The following PDE1C variants were observed in gnomAD, a reference collection of about 807,000 sequenced individuals.
PDE1C encodes the protein phosphodiesterase 1C, also known as dual specificity calcium/calmodulin-dependent 3',5'-cyclic nucleotide phosphodiesterase 1C.
A neutral mutation model predicts 93.1 loss-of-function variants in PDE1C; 62 were observed. That is an observed-to-expected ratio of 0.67 (90% CI 0.54 to 0.82). The LOEUF (loss-of-function observed/expected upper bound fraction) is 0.82, where lower values mean the gene tolerates loss of function less well. PDE1C is among the 40% of genes least tolerant of loss of function. The pLI is 0.00. For missense variants in PDE1C, 742 were observed against 884.6 expected, an observed-to-expected ratio of 0.84 and a Z score of 2.04; for synonymous variants, 325 against 310.1, an observed-to-expected ratio of 1.05 and a Z score of -0.50.
chr7:32,147,296 G>GAAAGAAAGAAAGAAAGAAA (rs1563352705), intron 3 of PDE1C, among the ~76,000 whole-genome samples: 18 of 137,402 alleles, frequency 1.3e-4, no homozygotes, highest in African/African-American at 4.0e-4. Flanking sequence ...AAGAAAGAAA[G>GAAAGAAAGAAAGAAAGAAA]AAAGAAAGAA....
At chr7:32,333,903 C>T (rs897349604) in intron 1 of PDE1C, among the ~76,000 whole-genome samples, 1 of 152,156 alleles carries the variant, frequency 6.6e-6, no homozygotes, top group African/African-American at 2.4e-5. Flanking sequence ...GCCTTTTGAA[C>T]TTGTTTCATA....
At chr7:32,023,923 T>C (rs191822012) in intron 2 of PDE1C, among the ~76,000 whole-genome samples, 1 of 152,248 alleles carries the variant, frequency 6.6e-6, no homozygotes, top group Non-Finnish European at 1.5e-5. Flanking sequence ...AAAAGCTCTA[T>C]GGATAATATC....
intron 16 of PDE1C, among the ~76,000 whole-genome samples, chr7:31,795,565 T>G (rs1045798691): frequency 6.6e-6 from 1 of 151,886 alleles, no homozygotes. Flanking sequence ...TGAAAGCTTA[T>G]GTAGCAATAA....
At chr7:32,205,895 A>G (rs1368676817) in intron 2 of PDE1C, among the ~76,000 whole-genome samples, 2 of 152,184 alleles carry the variant, frequency 1.3e-5, no homozygotes, top group South Asian at 2.1e-4. Flanking sequence ...CTCCGGACAC[A>G]TCTGAAAATC....
At chr7:31,638,933 C>T in the PDE1C span, among the ~76,000 whole-genome samples, 15 of 152,200 alleles carry the variant, frequency 9.9e-5, no homozygotes, top group Middle Eastern at 6.8e-3. Flanking sequence ...CCTGCCACCA[C>T]ACCCGCTAAT....
intron 2 of PDE1C, among the ~76,000 whole-genome samples, chr7:31,964,038 G>C (rs554476203): frequency 1.3e-5 from 2 of 152,228 alleles, no homozygotes; most frequent in Admixed American, 1.3e-4. Flanking sequence ...GAGCGATAAA[G>C]AAGACGGGTG....
chr7:32,218,339 G>T (rs1170952148), intron 1 of PDE1C, among the ~76,000 whole-genome samples: 1 of 152,220 alleles, frequency 6.6e-6, no homozygotes, highest in Non-Finnish European at 1.5e-5. Context: ...AAACTAATTT[G>T]TAGTTGATGA....
chr7:31,862,807 G>T (rs1756418939), intron 7 of PDE1C, among the ~76,000 whole-genome samples: 1 of 152,044 alleles, frequency 6.6e-6, no homozygotes, highest in South Asian at 2.1e-4. Context: ...ACACATTTGG[G>T]TTTATTTTTT....
At chr7:32,275,579 C>T (rs1446611432) in intron 1 of PDE1C, among the ~76,000 whole-genome samples, 1 of 152,028 alleles carries the variant, frequency 6.6e-6, no homozygotes, top group Non-Finnish European at 1.5e-5. Context: ...ACAGCTCCAC[C>T]TCCTTTCCAT....
At chr7:31,901,482 A>G (rs1583871105) in intron 2 of PDE1C, among the ~76,000 whole-genome samples, 1 of 151,508 alleles carries the variant, frequency 6.6e-6, no homozygotes, top group Non-Finnish European at 1.5e-5. Context: ...GGGATATAAA[A>G]TGAATATTGA....
intron 2 of PDE1C, among the ~76,000 whole-genome samples, chr7:31,970,707 GATGCCTCAATTATAATCC>G (rs1411831997): frequency 6.6e-6 from 1 of 152,212 alleles, no homozygotes; most frequent in Non-Finnish European, 1.5e-5. Context: ...AGATCAAACT[GATGCCTCAATTATAATCC>G]TTGAAGAACA....
Position 31,818,618 on chromosome 7 carries a change from AAG to A in PDE1C, c.1583-2466_1583-2465del, listed in dbSNP as rs200018922. ...ATATAAACTCTAAGTCTTATTCTGA[AAG>A]AGTAGTCATTTGACAAATGTTAGTT... On this transcript the variant is annotated intron_variant, in intron 14 of 17. Transcript: ENST00000396191. Among the ~76,000 whole-genome samples the A allele has an allele frequency of 9.0e-3, 1,366 of 152,318 alleles. 6 individuals carry two copies. Among genetic ancestry groups the A allele is most frequent in the Non-Finnish European group, 0.014 (940 of 68,022 alleles).
At chr7:31,835,641 T>C (rs547946098) in intron 11 of PDE1C, among the ~76,000 whole-genome samples, 2 of 152,048 alleles carry the variant, frequency 1.3e-5, no homozygotes, top group East Asian at 3.9e-4. Context: ...CGTCCAACCT[T>C]ATCCTAAATC....
At chr7:32,236,099 T>C (rs1042410859) in intron 1 of PDE1C, among the ~76,000 whole-genome samples, 1 of 151,998 alleles carries the variant, frequency 6.6e-6, no homozygotes, top group African/African-American at 2.4e-5. Context: ...CCAAAAAAAA[T>C]TAACCTAGAC....
chr7:32,421,985 C>A (rs1403002290), intron 1 of PDE1C, among the ~76,000 whole-genome samples: 1 of 152,160 alleles, frequency 6.6e-6, no homozygotes, highest in Admixed American at 6.5e-5. Context: ...GAAAGAGAAT[C>A]AAAAGAAAGT....
chr7:32,251,238 G>A lies in PDE1C; in HGVS notation c.86-41699C>T, dbSNP rs139854691. Among the ~76,000 whole-genome samples, 531 of 151,268 alleles carry A rather than the reference G, an allele frequency of 3.5e-3. 5 individuals carry two copies. Among genetic ancestry groups the A allele is most frequent in the African/African-American group, 0.012 (498 of 41,328 alleles). ...TGCCACCGGGGTGTCCACAGTCCAG[G>A]CAGACCTAGACCTGAATCCGGCAGC... On this transcript the variant is annotated intron_variant, in intron 1 of 18. Coordinates refer to the PDE1C transcript ENST00000396193.
chr7:32,296,383 T>C (rs1316325254), intron 1 of PDE1C, among the ~76,000 whole-genome samples: 1 of 152,248 alleles, frequency 6.6e-6, no homozygotes, highest in Non-Finnish European at 1.5e-5. Flanking sequence ...CCTTGAATAA[T>C]TACAATTACC....
intron 3 of PDE1C, among the ~76,000 whole-genome samples, chr7:32,125,728 G>A (rs1241864788): frequency 6.6e-6 from 1 of 151,996 alleles, no homozygotes; most frequent in Admixed American, 6.6e-5. Flanking sequence ...GGGGTTGGGG[G>A]GCGAGGGGAG....
At chr7:31,978,498 T>C (rs990249955) in intron 2 of PDE1C, among the ~76,000 whole-genome samples, 1 of 152,196 alleles carries the variant, frequency 6.6e-6, no homozygotes, top group African/African-American at 2.4e-5. Context: ...GTGGGTCTTC[T>C]AACTCAGAAA....
Sources: allele counts gnomAD v4.1 joint callset (sites outside exome capture counted in the v4.1 genomes callset), GRCh38; gene constraint gnomAD v4.1.1; transcripts MANE v1.5; gene names NCBI Gene and HGNC (gene_info 2026-07-23, HGNC 2026-07-21).